HPS3: variants seen among roughly 807,000 people sequenced by gnomAD.
HPS3 encodes the protein BLOC-2 complex member HPS3.
A neutral mutation model predicts 110.9 loss-of-function variants in HPS3; 79 were observed. The observed-to-expected ratio is 0.71, with a 90% CI of 0.59 to 0.86. The LOEUF is 0.86. Among genes scored for constraint, HPS3 ranks in the 40% least tolerant of loss-of-function variants. HPS3 has a pLI of 0.00. For missense variants in HPS3, 1,197 were observed against 1,206.2 expected, an observed-to-expected ratio of 0.99 and a Z score of 0.11; for synonymous variants, 428 against 451.0, an observed-to-expected ratio of 0.95 and a Z score of 0.65.
intron 16 of HPS3, among the ~76,000 whole-genome samples, chr3:149,171,599 T>TAGTAAGGAAA (rs1369236380): frequency 1.3e-5 from 2 of 152,100 alleles, no homozygotes; most frequent in Admixed American, 6.5e-5. Context: ...CAAAGGATTC[T>TAGTAAGGAAA]AGTAAGGAAA....
intron 4 of HPS3, 72 bp downstream of exon 4, chr3:149,141,452 C>CCCAT: frequency 1.7e-6 from 2 of 1,209,286 alleles, no homozygotes; most frequent in South Asian, 2.4e-5. Flanking sequence ...GGAGTGAAGA[C>CCCAT]CCATGTGGGT....
chr3:149,145,068 C>T (rs1355630597), intron 4 of HPS3, among the ~76,000 whole-genome samples: 3 of 152,034 alleles, frequency 2.0e-5, no homozygotes, highest in Non-Finnish European at 4.4e-5. Flanking sequence ...TATTTTGAAA[C>T]CCAAGTAGTG....
At chr3:149,135,840 G>C (rs1421393082) in intron 1 of HPS3, among the ~76,000 whole-genome samples, 1 of 152,052 alleles carries the variant, frequency 6.6e-6, no homozygotes, top group Non-Finnish European at 1.5e-5. Flanking sequence ...TAGCACAAGT[G>C]TACTAAACCA....
intron 2 of HPS3, 96 bp from the exon 3 acceptor site, chr3:149,140,921 A>T: frequency 8.7e-7 from 1 of 1,147,786 alleles, no homozygotes; most frequent in Admixed American, 1.9e-5. Flanking sequence ...TGTGCATATT[A>T]TAAATAAATG....
intron 14 of HPS3, among the ~76,000 whole-genome samples, chr3:149,164,659 C>T (rs542502592): frequency 1.3e-5 from 2 of 152,304 alleles, no homozygotes; most frequent in East Asian, 3.9e-4. Context: ...ATTAAGAATT[C>T]TGAGTTTCAA....
In HPS3 at chr3:149,130,031, G is replaced by C. The variant is rs1721659816; in HGVS notation, c.217+91G>C. The C allele has an allele frequency of 4.8e-6, 6 of 1,240,598 alleles. No individual in the cohort carries two copies. The Admixed American group carries it at 8.4e-5, about 17-fold the overall frequency. 76.8% of individuals were successfully genotyped at this position (1,240,598 alleles called of 1,614,324 possible). ...AACGTCTGGGCTGTAGCTCTAGCTA[G>C]GGATGGGACTTCTTGCTTCCCGGAA... On this transcript the variant is annotated intron_variant, in intron 1 of 16. Coordinates refer to ENST00000296051, the MANE Select transcript of HPS3 (RefSeq NM_032383.5).
At chr3:149,165,320 T>C (rs1046933159) in intron 14 of HPS3, among the ~76,000 whole-genome samples, 2 of 152,210 alleles carry the variant, frequency 1.3e-5, no homozygotes, top group African/African-American at 2.4e-5. Context: ...TTAAAGCATA[T>C]TTATAATCAT....
rs576010186 is a variant in HPS3, at chr3:149,130,482, C to G, written c.217+542C>G. ...AGTAGAACTCAGACTGCCCCCCTCT[C>G]TTCTCTTAAACATCTGTGGCCGGGC... On this transcript the variant is annotated intron_variant, in intron 1 of 16. Coordinates refer to ENST00000296051, the MANE Select transcript of HPS3 (RefSeq NM_032383.5). The G allele has an allele frequency of 1.1e-4, 17 of 155,270 alleles. No individual in the cohort carries two copies. In the South Asian group the frequency reaches 1.3e-3, roughly 12 times the overall value. The allele number at this position is 155,270 out of a possible 1,614,324, so 9.6% of individuals were successfully genotyped here. A position where few individuals can be genotyped will look rare whatever the true frequency, so the allele number is the denominator to read the frequency against.
intron 1 of HPS3, among the ~76,000 whole-genome samples, chr3:149,134,773 T>G (rs1460167629): frequency 6.6e-6 from 1 of 152,174 alleles, no homozygotes; most frequent in African/African-American, 2.4e-5. Context: ...TATAATCCAG[T>G]TGGCTGCCTT....
At chr3:149,170,666 T>G (rs1724886143) in intron 16 of HPS3, 1 of 152,246 alleles carries the variant, frequency 6.6e-6, no homozygotes, top group Admixed American at 6.5e-5. Context: ...CTTTATTCAT[T>G]AACTCTTTAG....
chr3:149,138,472 A>C (rs1313177578), intron 1 of HPS3, among the ~76,000 whole-genome samples: 1 of 152,234 alleles, frequency 6.6e-6, no homozygotes, highest in Non-Finnish European at 1.5e-5. Context: ...TATATTTTCT[A>C]AACCTCCACT....
intron 11 of HPS3, among the ~76,000 whole-genome samples, chr3:149,160,738 A>G (rs1003505427): frequency 2.6e-5 from 4 of 152,232 alleles, no homozygotes; most frequent in Non-Finnish European, 5.9e-5. Flanking sequence ...ATGGTATACC[A>G]AGAAACACAG....
chr3:149,158,812 C>G lies in HPS3; in HGVS notation c.1838C>G (p.Ser613Ter), dbSNP rs755083879. Reference protein sequence around the residue: ...ERGLIFYINHSLYENLDEELN... With the variant: ...ERGLIFYINH ...GGATTAATCTTTTACATTAATCATT[C>G]ACTTTATGAAAACCTGGATGAAGAA... Residue 613 changes from serine to a stop codon, truncating the protein, a stop_gained, in exon 10 of 17, where the codon TCA (serine) becomes TGA (stop). Coordinates refer to ENST00000296051, the MANE Select transcript of HPS3 (RefSeq NM_032383.5). LOFTEE classifies it high-confidence loss of function. 8.7e-6 allele frequency: 14 copies of G among 1,602,340 alleles called. No individual in the cohort carries two copies. In the East Asian group the frequency reaches 3.1e-4, roughly 36 times the overall value.
chr3:149,165,183 G>A (rs911249992), intron 14 of HPS3, among the ~76,000 whole-genome samples: 1 of 152,296 alleles, frequency 6.6e-6, no homozygotes. Flanking sequence ...GCTTGAGCAT[G>A]TGCTGTAGAT....
intron 1 of HPS3, among the ~76,000 whole-genome samples, chr3:149,139,418 T>C (rs968135187): frequency 6.6e-6 from 1 of 152,232 alleles, no homozygotes; most frequent in African/African-American, 2.4e-5. Context: ...GAGATCATTA[T>C]GCTTTTCATT....
At chr3:149,133,583 G>A (rs543158317) in intron 1 of HPS3, among the ~76,000 whole-genome samples, 1 of 152,270 alleles carries the variant, frequency 6.6e-6, no homozygotes, top group East Asian at 1.9e-4. Flanking sequence ...ACAGGTGTGA[G>A]CCACTGTGCC....
chr3:149,150,544 G>A (rs1723036023), intron 5 of HPS3, 55 bp from the exon 6 acceptor site: 4 of 1,391,194 alleles, frequency 2.9e-6, no homozygotes, highest in South Asian at 2.3e-5. Flanking sequence ...TCCCTGCTGT[G>A]GGTATGTTGG....
chr3:149,132,596 A>T (rs571715734), intron 1 of HPS3, among the ~76,000 whole-genome samples: 18 of 152,320 alleles, frequency 1.2e-4, no homozygotes, highest in African/African-American at 4.3e-4. Flanking sequence ...AAGGAGATTG[A>T]TGTTGTTTTT....
intron 6 of HPS3, among the ~76,000 whole-genome samples, chr3:149,151,587 TAAAA>T (rs1167453087): frequency 3.0e-4 from 12 of 40,298 alleles, no homozygotes; most frequent in Admixed American, 3.4e-4. Context: ...GCTTGGTTTC[TAAAA>T]AAAAAAAAAA....
Sources: gnomAD v4.1 joint callset for allele counts (sites outside exome capture counted in the v4.1 genomes callset) on GRCh38, gnomAD v4.1.1 for gene constraint, MANE v1.5 for transcripts, NCBI Gene and HGNC (gene_info 2026-07-23, HGNC 2026-07-21) for gene names.